Variants in SNX31 observed in about 807,000 individuals in gnomAD.
The protein encoded by SNX31 is sorting nexin 31, also known as sorting nexin-31.
A neutral mutation model predicts 65.4 loss-of-function variants in SNX31; 58 were observed. The observed-to-expected ratio is 0.89, with a 90% CI of 0.72 to 1.10. SNX31 has a LOEUF of 1.10. Among genes scored for constraint, SNX31 ranks in the 50% least tolerant of loss-of-function variants. The probability of loss-of-function intolerance (pLI) is 0.00; values close to 1 mark genes in which losing one functional copy is unlikely to be tolerated. For synonymous variants in SNX31, 181 were observed against 190.1 expected (o/e 0.95, Z 0.39); for missense variants, 523 against 529.7 (o/e 0.99, Z 0.12).
In SNX31 at chr8:100,637,121, C is replaced by T. The variant is rs565220358; in HGVS notation, c.142-1110G>A. Among the ~76,000 whole-genome samples the T allele has an allele frequency of 2.6e-5, 4 of 152,310 alleles. No individual in the cohort carries two copies. In the East Asian group the frequency reaches 7.7e-4, roughly 29 times the overall value. On this transcript the variant is annotated intron_variant, in intron 2 of 13. Transcript: ENST00000311812. ...TAGAAACCAGCCAGGCCCTTCTCTCCCACTTACTCATATATGACCCATGAC... is the reference window on the plus strand; with the variant it reads ...TAGAAACCAGCCAGGCCCTTCTCTCTCACTTACTCATATATGACCCATGAC...
intron 2 of SNX31, among the ~76,000 whole-genome samples, chr8:100,638,044 C>A (rs1818899696): frequency 6.6e-6 from 1 of 152,166 alleles, no homozygotes; most frequent in Admixed American, 6.5e-5. Context: ...GTCATGCACA[C>A]CTGTAGTCCC....
At chr8:100,659,907 T>C (rs764886954) in intron 1 of SNX31, among the ~76,000 whole-genome samples, 2 of 152,188 alleles carry the variant, frequency 1.3e-5, no homozygotes, top group Non-Finnish European at 2.9e-5. Flanking sequence ...TTTCTCCTTA[T>C]TCTGCTTTCA....
At chr8:100,607,944 C>T (rs1816325292) in intron 8 of SNX31, among the ~76,000 whole-genome samples, 1 of 152,210 alleles carries the variant, frequency 6.6e-6, no homozygotes. Context: ...CCAGCTGGAG[C>T]CAATGGCAGG....
chr8:100,593,024 G>T (rs1814726202), intron 10 of SNX31, among the ~76,000 whole-genome samples: 1 of 152,086 alleles, frequency 6.6e-6, no homozygotes, highest in Non-Finnish European at 1.5e-5. Flanking sequence ...GGTTTTTTAG[G>T]GCTGGGGGGA....
rs753137640 is a variant in SNX31 at position 100,630,429 on chromosome 8, T to G, written c.257-38A>C. The G allele has an allele frequency of 6.3e-7, 1 of 1,580,656 alleles. No individual in the cohort carries two copies. The highest frequency in any genetic ancestry group is 1.8e-5 in the Admixed American group (1 of 56,402). On this transcript the variant is annotated intron_variant, in intron 3 of 13. Coordinates refer to ENST00000311812, the MANE Select transcript of SNX31 (RefSeq NM_152628.4). This position sits in a 1 kb window ranked among gnomAD's most constrained non-coding sequence, Gnocchi z 5.3. ...GACGGTGAGCCAGGTTAGCATGGGC[T>G]GGGCTGGGCCCTGCCTATTAATTGC...
At chr8:100,596,512 G>T in intron 10 of SNX31, 127 bp downstream of exon 10, 1 of 732,664 alleles carries the variant, frequency 1.4e-6, no homozygotes, top group Non-Finnish European at 2.3e-6. Context: ...TATTTAATGT[G>T]GCTTAGATGT....
intron 5 of SNX31, among the ~76,000 whole-genome samples, chr8:100,617,066 C>A (rs1268965472): frequency 6.6e-6 from 1 of 152,168 alleles, no homozygotes; most frequent in African/African-American, 2.4e-5. Context: ...GGCAGAGCTG[C>A]TGAAGAAGGA....
intron 2 of SNX31, among the ~76,000 whole-genome samples, chr8:100,646,404 A>G (rs1819643600): frequency 6.6e-6 from 1 of 152,214 alleles, no homozygotes; most frequent in African/African-American, 2.4e-5. Flanking sequence ...GCTCTCAGAA[A>G]GAACAGTTGG....
In SNX31 at chr8:100,625,090, T is replaced by C. The variant is rs111960657; in HGVS notation, c.321+5237A>G. On this transcript the variant is annotated intron_variant, in intron 4 of 13. Transcript: ENST00000311812. The surrounding 1 kb of genome is among the most constrained non-coding windows in gnomAD (Gnocchi z 4.2). Reference sequence around the variant, plus strand: ...CCCCCCAAAGTTCTGGGATTACAGGTGTGAGCCACCACGTTTGGCCCAGCT... The same window carrying C: ...CCCCCCAAAGTTCTGGGATTACAGGCGTGAGCCACCACGTTTGGCCCAGCT... Among the ~76,000 whole-genome samples the C allele has an allele frequency of 6.5e-3, 984 of 152,244 alleles. 15 individuals carry two copies. The highest frequency in any genetic ancestry group is 0.023 in the African/African-American group (951 of 41,544).
chr8:100,660,607 G>T lies in SNX31; in HGVS notation c.-58+2535C>A, dbSNP rs905768986. On this transcript the variant is annotated intron_variant, in intron 1 of 5. Transcript: ENST00000520352. This position sits in a 1 kb window ranked among gnomAD's most constrained non-coding sequence, Gnocchi z 4.1. ...CCCTGACCTGACAGAAGAAGGTTCT[G>T]TAGGGGTCAAACTTGATGCCCAGAA... 4.6e-5 allele frequency among the ~76,000 whole-genome samples: 7 copies of T among 152,192 alleles called. No homozygotes were observed. Among genetic ancestry groups the T allele is most frequent in the African/African-American group, 1.7e-4 (7 of 41,450 alleles).
At chr8:100,608,970 G>A (rs954390749) in intron 7 of SNX31, among the ~76,000 whole-genome samples, 3 of 152,128 alleles carry the variant, frequency 2.0e-5, no homozygotes, top group Non-Finnish European at 4.4e-5. Flanking sequence ...TCTTGCCTGA[G>A]CTGCTCTGGG....
intron 5 of SNX31, among the ~76,000 whole-genome samples, chr8:100,615,913 G>A (rs538990616): frequency 6.6e-5 from 10 of 151,952 alleles, no homozygotes; most frequent in East Asian, 3.8e-4. Flanking sequence ...GGGACTACAG[G>A]CACCCGCCAC....
At chr8:100,606,684 AG>A (rs1229769305) in intron 8 of SNX31, among the ~76,000 whole-genome samples, 7 of 152,226 alleles carry the variant, frequency 4.6e-5, no homozygotes, top group Middle Eastern at 3.2e-3. Flanking sequence ...AGTTTATAAA[AG>A]CTACCCAGTG....
At chr8:100,653,134 A>C (rs915370009), upstream of SNX31, among the ~76,000 whole-genome samples, 5 of 152,118 alleles carry the variant, frequency 3.3e-5, no homozygotes, top group Non-Finnish European at 1.5e-5. Context: ...GTGAGTCAGA[A>C]AGGTAAGGCT....
chr8:100,623,308 C>T (rs769155703), intron 4 of SNX31, among the ~76,000 whole-genome samples: 22 of 152,142 alleles, frequency 1.4e-4, no homozygotes, highest in African/African-American at 3.9e-4. Flanking sequence ...AGGGGGAGGG[C>T]GCTAAACCAT....
intron 3 of SNX31, among the ~76,000 whole-genome samples, chr8:100,633,207 G>T (rs556102605): frequency 2.0e-5 from 3 of 152,090 alleles, no homozygotes; most frequent in Non-Finnish European, 4.4e-5. Flanking sequence ...GGAATTGCAG[G>T]CATGAGCTAC....
intron 8 of SNX31, among the ~76,000 whole-genome samples, chr8:100,605,460 T>G (rs554867192): frequency 7.9e-5 from 12 of 152,226 alleles, no homozygotes; most frequent in Non-Finnish European, 1.2e-4. Context: ...TGATAAAGAT[T>G]ATTATGACAT....
Position 100,660,035 on chromosome 8 carries a change from T to C in SNX31, c.-58+3107A>G, listed in dbSNP as rs1403576773. ...ATAGATAGAAAAATGACTTAGGAAC[T>C]ACAGGAGAAAAAAGAATGAAAATAT... On this transcript the variant is annotated intron_variant, in intron 1 of 5. Transcript: ENST00000520352. This position sits in a 1 kb window ranked among gnomAD's most constrained non-coding sequence, Gnocchi z 4.1. Among the ~76,000 whole-genome samples the C allele has an allele frequency of 1.3e-5, 2 of 152,164 alleles. No individual in the cohort carries two copies. The highest frequency in any genetic ancestry group is 2.9e-5 in the Non-Finnish European group (2 of 68,026).
At chr8:100,634,074 A>G (rs1818584073) in intron 3 of SNX31, among the ~76,000 whole-genome samples, 1 of 152,214 alleles carries the variant, frequency 6.6e-6, no homozygotes, top group Admixed American at 6.5e-5. Context: ...ATGTGTATAC[A>G]CTTTTCCAAT....
Sources: gnomAD v4.1 joint callset for allele counts (sites outside exome capture counted in the v4.1 genomes callset) on GRCh38, gnomAD v4.1.1 for gene constraint, Gnocchi (gnomAD v3.1) non-coding constraint, MANE v1.5 for transcripts, NCBI Gene and HGNC (gene_info 2026-07-23, HGNC 2026-07-21) for gene names.